NRG1: variants seen among roughly 807,000 people sequenced by gnomAD.
NRG1 encodes the protein neuregulin 1.
A neutral mutation model predicts 63.8 loss-of-function variants in NRG1; 18 were observed. That is an observed-to-expected ratio of 0.28 (90% CI 0.19 to 0.42). The LOEUF (loss-of-function observed/expected upper bound fraction) is 0.42, where lower values mean the gene tolerates loss of function less well. Among genes scored for constraint, NRG1 ranks in the 10% least tolerant of loss-of-function variants. The probability of loss-of-function intolerance (pLI) is 1.00; values close to 1 mark genes in which losing one functional copy is unlikely to be tolerated. For synonymous variants in NRG1, 302 were observed against 301.3 expected, an observed-to-expected ratio of 1.00 and a Z score of -0.02; for missense variants, 762 against 814.7, an observed-to-expected ratio of 0.94 and a Z score of 0.79.
chr8:31,766,248 G>T (rs1166604572), intron 1 of NRG1, among the ~76,000 whole-genome samples: 1 of 152,040 alleles, frequency 6.6e-6, no homozygotes, highest in African/African-American at 2.4e-5. Flanking sequence ...TTACATGGGA[G>T]GAGACACACT....
intron 1 of NRG1, among the ~76,000 whole-genome samples, chr8:31,728,213 C>T (rs1248672958): frequency 6.6e-6 from 1 of 152,100 alleles, no homozygotes; most frequent in African/African-American, 2.4e-5. Context: ...CCTGTAATCC[C>T]AGCACTTTGG....
At chr8:31,938,048 T>G (rs1801187554) in intron 1 of NRG1, among the ~76,000 whole-genome samples, 1 of 152,104 alleles carries the variant, frequency 6.6e-6, no homozygotes, top group Non-Finnish European at 1.5e-5. Flanking sequence ...GCAACCTGTC[T>G]ATAGGACCAC....
chr8:32,760,179 T>C, intron 10 of NRG1, 21 bp from the exon 11 acceptor site: 1 of 1,613,318 alleles, frequency 6.2e-7, no homozygotes, highest in Non-Finnish European at 8.5e-7. Flanking sequence ...TATCTGATTG[T>C]CTCTCCCATT....
intron 1 of NRG1, among the ~76,000 whole-genome samples, chr8:32,022,605 T>C (rs1373014924): frequency 6.6e-6 from 1 of 152,198 alleles, no homozygotes; most frequent in Non-Finnish European, 1.5e-5. Flanking sequence ...TCAGAGTAAA[T>C]AGGACATTGT....
At chr8:32,432,654 T>C (rs891302021) in intron 1 of NRG1, among the ~76,000 whole-genome samples, 1 of 151,772 alleles carries the variant, frequency 6.6e-6, no homozygotes, top group Non-Finnish European at 1.5e-5. Flanking sequence ...GGACTACAGG[T>C]GTGCACTTGT....
intron 1 of NRG1, among the ~76,000 whole-genome samples, chr8:31,872,553 T>C (rs1187818343): frequency 2.0e-5 from 3 of 152,182 alleles, no homozygotes; most frequent in African/African-American, 4.8e-5. Context: ...ATTTTTTTCT[T>C]CCTTTTGGGG....
At chr8:32,236,371 C>A (rs549294352) in intron 1 of NRG1, among the ~76,000 whole-genome samples, 217 of 152,216 alleles carry the variant, frequency 1.4e-3, no homozygotes, top group Middle Eastern at 3.4e-3. Context: ...TTCCTTCTTT[C>A]TATCTATAAA....
chr8:32,376,874 T>C (rs956556945), intron 1 of NRG1, among the ~76,000 whole-genome samples: 1 of 152,176 alleles, frequency 6.6e-6, no homozygotes, highest in Non-Finnish European at 1.5e-5. Context: ...TCCAAATTAA[T>C]ACATCTTTCA....
intron 1 of NRG1, among the ~76,000 whole-genome samples, chr8:31,823,007 T>A (rs966337563): frequency 2.0e-4 from 30 of 151,674 alleles, no homozygotes; most frequent in African/African-American, 6.8e-4. Flanking sequence ...AGCAAATAAA[T>A]ATAGAGTCTC....
At chr8:31,983,018 C>T (rs1809425367) in intron 1 of NRG1, among the ~76,000 whole-genome samples, 1 of 152,074 alleles carries the variant, frequency 6.6e-6, no homozygotes, top group Non-Finnish European at 1.5e-5. Flanking sequence ...GTGACTCATT[C>T]AAGGTTGGCA....
At chr8:32,315,429 C>T (rs1453200375) in intron 1 of NRG1, among the ~76,000 whole-genome samples, 3 of 152,210 alleles carry the variant, frequency 2.0e-5, no homozygotes, top group African/African-American at 7.2e-5. Flanking sequence ...TTTATGGCTA[C>T]ATAGTATTCT....
chr8:31,837,097 C>T (rs887977682), intron 1 of NRG1, among the ~76,000 whole-genome samples: 2 of 151,924 alleles, frequency 1.3e-5, no homozygotes, highest in African/African-American at 4.8e-5. Flanking sequence ...ATGCTTTGTC[C>T]ATTTCCATCA....
intron 1 of NRG1, among the ~76,000 whole-genome samples, chr8:32,200,339 G>T (rs570927804): frequency 8.3e-4 from 126 of 152,218 alleles, no homozygotes; most frequent in Admixed American, 1.7e-3. Flanking sequence ...GAGTGCTTTA[G>T]TTGTTCTCTT....
chr8:31,853,021 G>C (rs1323182124), intron 1 of NRG1, among the ~76,000 whole-genome samples: 1 of 151,730 alleles, frequency 6.6e-6, no homozygotes, highest in Non-Finnish European at 1.5e-5. Flanking sequence ...TAGCCTTGTA[G>C]TATAGTTTGA....
intron 1 of NRG1, among the ~76,000 whole-genome samples, chr8:31,742,481 T>TTTTTTTA (rs1815391455): frequency 4.5e-5 from 6 of 134,214 alleles, no homozygotes; most frequent in African/African-American, 1.3e-4. Flanking sequence ...TTTTTTTTTT[T>TTTTTTTA]AACGAAAGCT....
At chr8:32,298,720 AAAAAAAAAAAG>A (rs1403082612) in intron 1 of NRG1, among the ~76,000 whole-genome samples, 3 of 138,320 alleles carry the variant, frequency 2.2e-5, no homozygotes, top group Admixed American at 7.1e-5. Flanking sequence ...GTCTCAAAAA[AAAAAAAAAAAG>A]AAAAGAAAAG....
At chr8:32,219,569 T>C (rs1845598939) in intron 1 of NRG1, among the ~76,000 whole-genome samples, 1 of 152,220 alleles carries the variant, frequency 6.6e-6, no homozygotes, top group East Asian at 1.9e-4. Flanking sequence ...CAAACGTCTA[T>C]TTTCCTGCTC....
At chr8:32,686,902 A>T (rs1810304902) in intron 5 of NRG1, among the ~76,000 whole-genome samples, 1 of 152,214 alleles carries the variant, frequency 6.6e-6, no homozygotes, top group South Asian at 2.1e-4. Flanking sequence ...CACAAAGCAC[A>T]GGAGGTGTAG....
chr8:32,265,413 T>C (rs1850819594), intron 1 of NRG1, among the ~76,000 whole-genome samples: 1 of 152,180 alleles, frequency 6.6e-6, no homozygotes, highest in African/African-American at 2.4e-5. Flanking sequence ...ATCATAGCTA[T>C]ATTTCATAAC....
Sources: allele counts gnomAD v4.1 joint callset (sites outside exome capture counted in the v4.1 genomes callset), GRCh38; gene constraint gnomAD v4.1.1; transcripts MANE v1.5; gene names NCBI Gene and HGNC (gene_info 2026-07-23, HGNC 2026-07-21).